The following SLC12A3 variants were observed in gnomAD, a reference collection of about 807,000 sequenced individuals.
SLC12A3 encodes the protein solute carrier family 12 member 3, also known as Na-Cl cotransporter.
Under a neutral mutation model 121.0 loss-of-function variants are expected in SLC12A3, and 104 were observed. The observed-to-expected ratio is 0.86, with a 90% CI of 0.73 to 1.01. The LOEUF (loss-of-function observed/expected upper bound fraction) is 1.01. SLC12A3 is among the 50% of genes least tolerant of loss of function. The probability of loss-of-function intolerance (pLI) is 0.00; values close to 1 mark genes in which losing one functional copy is unlikely to be tolerated. For synonymous variants in SLC12A3, 536 were observed against 533.4 expected (o/e 1.00, Z -0.07); for missense variants, 1,328 against 1,356.3 (o/e 0.98, Z 0.33).
At chr16:56,899,295 C>G (rs1377478159) in intron 22 of SLC12A3, among the ~76,000 whole-genome samples, 1 of 150,370 alleles carries the variant, frequency 6.7e-6, no homozygotes, top group Non-Finnish European at 1.5e-5. Flanking sequence ...CAGGATCACC[C>G]GAGGCCAACA....
intron 1 of SLC12A3, among the ~76,000 whole-genome samples, chr16:56,866,314 A>C (rs1596884686): frequency 2.6e-5 from 4 of 152,122 alleles, no homozygotes; most frequent in Admixed American, 2.6e-4. Context: ...TGAGGCTAAG[A>C]CTTACTAAAT....
At position 56,879,603 on chromosome 16, in the gene SLC12A3, T is replaced by A. The variant is rs1209585935; in HGVS notation, c.1397T>A (p.Leu466His). Reference sequence around the variant, plus strand: ...ACGGCTGGCATCTTCGGGGCCACCCTCTCCTCTGCCCTGGCCTGCCTTGTC... The same window carrying A: ...ACGGCTGGCATCTTCGGGGCCACCCACTCCTCTGCCCTGGCCTGCCTTGTC... ...LITAGIFGAT[L>H]SSALACLVSA... The change falls in exon 11 of 26, where the codon CTC (leucine) becomes CAC (histidine). Residue 466 changes from leucine (L) to histidine (H), a missense_variant. Leu to His is a moderately conservative substitution (Grantham distance 99). Coordinates refer to ENST00000563236, the MANE Select transcript of SLC12A3 (RefSeq NM_001126108.2). 2 of 1,613,668 alleles carry A rather than the reference T, an allele frequency of 1.2e-6. No homozygotes were observed. Among genetic ancestry groups the A allele is most frequent in the Non-Finnish European group, 8.5e-7 (1 of 1,179,978 alleles).
chr16:56,906,661 A>G, intron 25 of SLC12A3: 1 of 422,126 alleles, frequency 2.4e-6, no homozygotes, highest in Non-Finnish European at 4.3e-6. Context: ...ATTCAGGACC[A>G]ACTAGCCAAA....
At chr16:56,908,335 G>T (rs1172271184) in intron 25 of SLC12A3, among the ~76,000 whole-genome samples, 1 of 151,596 alleles carries the variant, frequency 6.6e-6, no homozygotes, top group Non-Finnish European at 1.5e-5. Context: ...AGTAGAGATG[G>T]GGTTGCACCA....
chr16:56,902,531 G>GGCGCC, intron 24 of SLC12A3, 23 bp downstream of exon 24: 6 of 714,544 alleles, frequency 8.4e-6, no homozygotes, highest in Non-Finnish European at 1.4e-5. Flanking sequence ...GTGGGGGTGG[G>GGCGCC]AAACGCGACA....
Position 56,871,437 on chromosome 16 carries a change from T to C in SLC12A3, c.852+701T>C, listed in dbSNP as rs1032053404. Among the ~76,000 whole-genome samples the C allele has an allele frequency of 2.0e-5, 3 of 152,314 alleles. No homozygotes were observed. In the East Asian group the frequency reaches 5.8e-4, roughly 29 times the overall value. ...GGAGGTGTGGCCTTCAACTGAATCATGGATCCTGCTGGCAGACTCAGCCGG... is the reference window on the plus strand; with the variant it reads ...GGAGGTGTGGCCTTCAACTGAATCACGGATCCTGCTGGCAGACTCAGCCGG... On this transcript the variant is annotated intron_variant, in intron 6 of 25. Coordinates refer to ENST00000563236, the MANE Select transcript of SLC12A3 (RefSeq NM_001126108.2).
At chr16:56,873,766 C>T (rs2055133111) in intron 8 of SLC12A3, among the ~76,000 whole-genome samples, 1 of 149,132 alleles carries the variant, frequency 6.7e-6, no homozygotes, top group African/African-American at 2.5e-5. Context: ...GGCTGGAGTG[C>T]AGTGGCACGA....
At chr16:56,903,176 G>A (rs1428261536) in intron 24 of SLC12A3, among the ~76,000 whole-genome samples, 1 of 151,940 alleles carries the variant, frequency 6.6e-6, no homozygotes, top group Non-Finnish European at 1.5e-5. Context: ...TTGTCCTGTG[G>A]GCCAACACGG....
At chr16:56,900,813 G>A (rs2055528153) in intron 23 of SLC12A3, among the ~76,000 whole-genome samples, 1 of 152,178 alleles carries the variant, frequency 6.6e-6, no homozygotes, top group African/African-American at 2.4e-5. Flanking sequence ...TTACAGGCGT[G>A]AGCCACTGCG....
intron 21 of SLC12A3, among the ~76,000 whole-genome samples, chr16:56,893,578 T>A (rs1485441851): frequency 2.0e-5 from 3 of 152,148 alleles, no homozygotes; most frequent in Non-Finnish European, 4.4e-5. Context: ...GGAGCTGTCA[T>A]GATTAACTCC....
intron 22 of SLC12A3, among the ~76,000 whole-genome samples, chr16:56,896,903 C>T (rs112204783): frequency 0.034 from 5,199 of 151,996 alleles, 313 homozygotes; most frequent in African/African-American, 0.12. Flanking sequence ...ACCAGCCTGA[C>T]CAATATGGTG....
chr16:56,879,641 G>A lies in SLC12A3; in HGVS notation c.1435G>A (p.Val479Ile), dbSNP rs1442875187. The A allele has an allele frequency of 3.7e-6, 6 of 1,612,464 alleles. No individual in the cohort carries two copies. The highest frequency in any genetic ancestry group is 5.1e-6 in the Non-Finnish European group (6 of 1,179,404). The change falls in exon 11 of 26, where the codon GTC becomes ATC. Residue 479 changes from valine (V) to isoleucine (I), a missense_variant. By Grantham distance (29) the Val-to-Ile change is conservative. Coordinates refer to ENST00000563236, the MANE Select transcript of SLC12A3 (RefSeq NM_001126108.2). Reference sequence around the variant, plus strand: ...GGCCTGCCTTGTCTCTGCTGCCAAAGTCTTCCAGGTGAGGCCGCAGAAAGG... The same window carrying A: ...GGCCTGCCTTGTCTCTGCTGCCAAAATCTTCCAGGTGAGGCCGCAGAAAGG... ...ALACLVSAAKVFQCLCEDQLY... is the reference protein window; with the variant it reads ...ALACLVSAAKIFQCLCEDQLY...
chr16:56,886,664 G>A (rs766486081), intron 16 of SLC12A3, among the ~76,000 whole-genome samples, 189 bp downstream of exon 16: 84 of 152,104 alleles, frequency 5.5e-4, no homozygotes, highest in Non-Finnish European at 9.3e-4. Context: ...GAGGGGATGC[G>A]GAGCAAGGGG....
intron 4 of SLC12A3, 133 bp from the exon 5 acceptor site, chr16:56,869,963 C>T (rs2144689083): frequency 7.2e-7 from 1 of 1,382,390 alleles, no homozygotes; most frequent in Non-Finnish European, 1.0e-6. Context: ...AGGCTGTCTA[C>T]ACCACGAGAT....
intron 22 of SLC12A3, among the ~76,000 whole-genome samples, chr16:56,898,848 ACC>A: frequency 6.6e-6 from 1 of 152,264 alleles, no homozygotes; most frequent in South Asian, 2.1e-4. Context: ...TATTCCTTAG[ACC>A]TTTGTTACTC....
Position 56,899,550 on chromosome 16 carries a change from A to C in SLC12A3, c.2654A>C (p.Lys885Thr). Residue 885 changes from lysine to threonine, a missense_variant, in exon 23 of 26, where the codon AAG becomes ACG. Transcript: ENST00000563236. The stretch of plus-strand genomic sequence containing the variant: ...TCCAGGATCATTTCTCTGCTGAGCA[A>C]GTTCCGACTGGGATTCCATGAAGTC... ...ERKAIISLLSKFRLGFHEVHI... is the reference protein window; with the variant it reads ...ERKAIISLLSTFRLGFHEVHI... 1 of 1,614,014 alleles carries C rather than the reference A, an allele frequency of 6.2e-7. No individual in the cohort carries two copies.
rs774753302 is a variant in SLC12A3 at position 56,865,395 on chromosome 16, C to T, written c.160C>T (p.Arg54Cys). The change falls in exon 1 of 26, where the codon CGC (arginine) becomes TGC (cysteine). Residue 54 changes from arginine to cysteine, a missense_variant. Physicochemically the swap from Arg to Cys is radical, Grantham distance 180. Transcript: ENST00000563236. ...GACCCACAGCAGCACCTTCTGCATG[C>T]GCACCTTTGGCTACAACACGATCGA... Reference protein sequence around the residue: ...HLTHSSTFCMRTFGYNTIDVV... With the variant: ...HLTHSSTFCMCTFGYNTIDVV... 2.0e-5 allele frequency: 32 copies of T among 1,614,104 alleles called. No individual in the cohort carries two copies. The highest frequency in any genetic ancestry group is 4.4e-5 in the South Asian group (4 of 91,090).
In SLC12A3 at chr16:56,878,076, G is replaced by A. The variant is rs749463414; in HGVS notation, c.1096-1G>A. 2.1e-5 allele frequency: 20 copies of A among 964,790 alleles called. No individual in the cohort carries two copies. The South Asian group carries it at 3.0e-4, about 14-fold the overall frequency. 59.8% of individuals were successfully genotyped at this position (964,790 alleles called of 1,614,324 possible). The stretch of plus-strand genomic sequence containing the variant: ...CCTCCCTCTCTCCCTCCCTCCTTCA[G>A]GACCCTGCTATAGCCATCCCCAAGG... On this transcript the variant is annotated splice_acceptor_variant, in intron 8 of 25. Coordinates refer to ENST00000563236, the MANE Select transcript of SLC12A3 (RefSeq NM_001126108.2). LOFTEE classifies it high-confidence loss of function.
chr16:56,908,433 C>T (rs1237203780), intron 25 of SLC12A3, among the ~76,000 whole-genome samples: 4 of 152,078 alleles, frequency 2.6e-5, no homozygotes, highest in African/African-American at 7.2e-5. Context: ...GCGTGAGCCA[C>T]GGTGCCCAGC....
Sources: allele counts gnomAD v4.1 joint callset (sites outside exome capture counted in the v4.1 genomes callset), GRCh38; gene constraint gnomAD v4.1.1; transcripts MANE v1.5; gene names NCBI Gene and HGNC (gene_info 2026-07-23, HGNC 2026-07-21).